The following COL5A1 variants were observed in gnomAD, a reference collection of about 807,000 sequenced individuals.
The protein encoded by COL5A1 is collagen type V alpha 1 chain.
COL5A1 carries 16 observed loss-of-function variants against 263.7 expected under a neutral mutation model. The observed-to-expected ratio is 0.06, with a 90% CI of 0.04 to 0.09. The LOEUF (loss-of-function observed/expected upper bound fraction) is 0.09. COL5A1 is among the 10% of genes least tolerant of loss of function. COL5A1 has a pLI of 1.00. For synonymous variants in COL5A1, 1,012 were observed against 1,004.5 expected (o/e 1.01, Z -0.14); for missense variants, 2,036 against 2,540.5 (o/e 0.80, Z 4.27).
At chr9:134,815,830 A>G in intron 51 of COL5A1, 105 bp from the exon 52 acceptor site, 1 of 1,419,614 alleles carries the variant, frequency 7.0e-7, no homozygotes, top group Non-Finnish European at 9.9e-7. Context: ...CTGGCACCAG[A>G]ATGGATTTGG....
intron 11 of COL5A1, among the ~76,000 whole-genome samples, chr9:134,740,462 G>A (rs1450850322): frequency 6.6e-6 from 1 of 152,246 alleles, no homozygotes. Context: ...GCATTGCATG[G>A]CACTGGGAGC....
At chr9:134,773,127 T>C (rs1447627155) in intron 26 of COL5A1, among the ~76,000 whole-genome samples, 1 of 152,194 alleles carries the variant, frequency 6.6e-6, no homozygotes, top group East Asian at 1.9e-4. Context: ...CAGGGCAGTG[T>C]CTCCGTGTTC....
chr9:134,771,993 T>C (rs1836879797), intron 25 of COL5A1, among the ~76,000 whole-genome samples: 1 of 152,218 alleles, frequency 6.6e-6, no homozygotes, highest in Non-Finnish European at 1.5e-5. Context: ...GAAACCTGCA[T>C]TCCTAGGAAT....
At position 134,806,264 on chromosome 9, in the gene COL5A1, C is replaced by A. The variant is rs1204892518; in HGVS notation, c.3334C>A (p.Pro1112Thr). 1 of 1,549,668 alleles carries A rather than the reference C, an allele frequency of 6.5e-7. No homozygotes were observed. Reference sequence around the variant, plus strand: ...TCCAGGGAGACCTGGGCCCCAGGGACCCCCAGGGCCGGCAGGAGAGAAAGG... The same window carrying A: ...TCCAGGGAGACCTGGGCCCCAGGGAACCCCAGGGCCGGCAGGAGAGAAAGG... ...GIPGRPGPQG[P>T]PGPAGEKGAP... is the part of the protein sequence containing the mutation. Residue 1112 changes from proline (P) to threonine (T), a missense_variant, in exon 42 of 66, where the codon CCC (proline) becomes ACC (threonine). Pro to Thr is a conservative substitution (Grantham distance 38, BLOSUM62 -1). Around this residue, in one of 3 missense-constraint regions of COL5A1, gnomAD observed 1,078 missense variants for 1,521.4 expected, o/e 0.71. Transcript: ENST00000371817.
chr9:134,647,567 T>C lies in COL5A1; in HGVS notation c.109+5271T>C, dbSNP rs1371471058. ...ACTCCACGTGCAGGGCCTGGTGTGT[T>C]TGAGGAGCTCGTGGCAGGGCGACGT... On this transcript the variant is annotated intron_variant, in intron 1 of 65. Coordinates refer to ENST00000371817, the MANE Select transcript of COL5A1 (RefSeq NM_000093.5). The surrounding 1 kb of genome is among the most constrained non-coding windows in gnomAD (Gnocchi z 5.0). 6.6e-6 allele frequency among the ~76,000 whole-genome samples: 1 copy of C among 152,176 alleles called. No homozygotes were observed. The highest frequency in any genetic ancestry group is 1.5e-5 in the Non-Finnish European group (1 of 68,018).
chr9:134,814,927 A>C, intron 50 of COL5A1, 23 bp downstream of exon 50: 1 of 1,518,206 alleles, frequency 6.6e-7, no homozygotes. Flanking sequence ...GACACACCTC[A>C]GGGGCCCTGC....
At position 134,738,932 on chromosome 9, in the gene COL5A1, C is replaced by G. The variant is rs984853943; in HGVS notation, c.1494+124C>G. The G allele has an allele frequency of 2.3e-5, 18 of 765,960 alleles. No homozygotes were observed. The African/African-American group carries it at 3.1e-4, about 13-fold the overall frequency. The allele number at this position is 765,960 out of a possible 1,614,324, so 47.4% of individuals were successfully genotyped here. Reference sequence around the variant, plus strand: ...GACCCAGAGGCTTGTGTCTTCAAATCCCCCCTCACCCAGGCACTCCTCACA... The same window carrying G: ...GACCCAGAGGCTTGTGTCTTCAAATGCCCCCTCACCCAGGCACTCCTCACA... On this transcript the variant is annotated intron_variant, in intron 11 of 65. Coordinates refer to ENST00000371817, the MANE Select transcript of COL5A1 (RefSeq NM_000093.5).
At chr9:134,768,490 T>A (rs200236611) in intron 25 of COL5A1, 27 bp downstream of exon 25, 1 of 1,609,928 alleles carries the variant, frequency 6.2e-7, no homozygotes, top group Non-Finnish European at 8.5e-7. Context: ...ACCTCATCCC[T>A]CCATACTCTC....
intron 1 of COL5A1, among the ~76,000 whole-genome samples, chr9:134,654,035 AGCTGGT>A (rs1831795771): frequency 6.3e-5 from 1 of 15,938 alleles, no homozygotes; most frequent in Non-Finnish European, 1.3e-4. Context: ...AGTTGTGTAG[AGCTGGT>A]GTGTGTAGGG....
intron 1 of COL5A1, among the ~76,000 whole-genome samples, chr9:134,645,741 C>T (rs1213027446): frequency 6.6e-6 from 1 of 152,208 alleles, no homozygotes; most frequent in Non-Finnish European, 1.5e-5. Context: ...AGCAACGGCC[C>T]TTCGCCTGGC....
At chr9:134,760,090 G>GCACACA (rs1248190659) in intron 18 of COL5A1, among the ~76,000 whole-genome samples, 2 of 31,862 alleles carry the variant, frequency 6.3e-5, no homozygotes, top group African/African-American at 3.2e-4. Flanking sequence ...ACGCATACAC[G>GCACACA]CCCACACACC....
chr9:134,658,744 C>T (rs867836733), intron 1 of COL5A1, among the ~76,000 whole-genome samples: 6 of 152,130 alleles, frequency 3.9e-5, no homozygotes, highest in South Asian at 2.1e-4. Flanking sequence ...TGTGGTTGTG[C>T]GGAGAGCAGC....
rs1382595961 is a variant in COL5A1, at chr9:134,758,384, A to G, written c.1935+88A>G. 1 of 1,391,064 alleles carries G rather than the reference A, an allele frequency of 7.2e-7. No homozygotes were observed. Among genetic ancestry groups the G allele is most frequent in the African/African-American group, 1.4e-5 (1 of 70,416 alleles). The allele number at this position is 1,391,064 out of a possible 1,614,324, so 86.2% of individuals were successfully genotyped here. On this transcript the variant is annotated intron_variant, in intron 18 of 65. Coordinates refer to ENST00000371817, the MANE Select transcript of COL5A1 (RefSeq NM_000093.5). This position sits in a 1 kb window ranked among gnomAD's most constrained non-coding sequence, Gnocchi z 4.1. ...CCCTTCTCCTTCCAGGCAGCCTCAG[A>G]TTTCCTGTGGGGTCAGGTCTCCGCC... is the stretch of plus-strand genomic sequence containing the variant.
intron 34 of COL5A1, among the ~76,000 whole-genome samples, chr9:134,795,792 G>A (rs1837885501): frequency 6.6e-6 from 1 of 152,224 alleles, no homozygotes; most frequent in Admixed American, 6.5e-5. Context: ...TGGAGAATCT[G>A]GACACAGACC....
chr9:134,830,246 A>G (rs995288956), intron 64 of COL5A1: 6 of 1,474,334 alleles, frequency 4.1e-6, no homozygotes, highest in Admixed American at 1.9e-5. Context: ...GCGGCTCTGC[A>G]TGGCACCCAT....
intron 5 of COL5A1, 147 bp from the exon 6 acceptor site, chr9:134,728,523 C>T: frequency 9.2e-7 from 1 of 1,082,282 alleles, no homozygotes; most frequent in South Asian, 1.3e-5. Context: ...AGGGAGGAAC[C>T]CCATCCGGGG....
chr9:134,815,447 G>A, intron 50 of COL5A1, 129 bp from the exon 51 acceptor site: 2 of 927,934 alleles, frequency 2.2e-6, no homozygotes, highest in South Asian at 2.8e-5. Flanking sequence ...TGGGTTGTCG[G>A]AACTGCTGGA....
At chr9:134,809,455 C>T (rs2132839486) in intron 43 of COL5A1, among the ~76,000 whole-genome samples, 165 bp downstream of exon 43, 1 of 152,212 alleles carries the variant, frequency 6.6e-6, no homozygotes, top group African/African-American at 2.4e-5. Context: ...GATTTCACAG[C>T]AGCCCACTGG....
chr9:134,739,251 C>T (rs1835214775), intron 11 of COL5A1, among the ~76,000 whole-genome samples: 1 of 152,232 alleles, frequency 6.6e-6, no homozygotes, highest in Non-Finnish European at 1.5e-5. Flanking sequence ...CTCGGGTGTC[C>T]CTCGCCGCGG....
Sources: allele counts gnomAD v4.1 joint callset (sites outside exome capture counted in the v4.1 genomes callset), GRCh38; gene constraint gnomAD v4.1.1; regional missense constraint gnomAD v4.1.1; non-coding constraint Gnocchi (gnomAD v3.1); transcripts MANE v1.5; gene names NCBI Gene and HGNC (gene_info 2026-07-23, HGNC 2026-07-21).